ERBB4: variants seen among roughly 807,000 people sequenced by gnomAD.
The protein encoded by ERBB4 is erb-b2 receptor tyrosine kinase 4.
In ERBB4, 42 loss-of-function variants were observed where a neutral mutation model predicts 158.0. The observed-to-expected ratio is 0.27, with a 90% CI of 0.21 to 0.34. The LOEUF is 0.34. Among genes scored for constraint, ERBB4 ranks in the 10% least tolerant of loss-of-function variants. The pLI, the probability that ERBB4 is intolerant of heterozygous loss-of-function variation, is 1.00. For synonymous variants in ERBB4, 583 were observed against 558.7 expected (o/e 1.04, Z -0.61); for missense variants, 1,333 against 1,624.1 (o/e 0.82, Z 3.08).
chr2:211,975,904 T>C (rs998436905), intron 2 of ERBB4, among the ~76,000 whole-genome samples: 5 of 152,178 alleles, frequency 3.3e-5, no homozygotes, highest in African/African-American at 1.2e-4. Context: ...AATTATTCTT[T>C]ACTAATATTA....
intron 14 of ERBB4, among the ~76,000 whole-genome samples, chr2:211,670,771 G>A (rs1425429432): frequency 6.6e-6 from 1 of 152,092 alleles, no homozygotes; most frequent in African/African-American, 2.4e-5. Context: ...CACAGAACTA[G>A]CTCACAAAAG....
At chr2:212,106,871 CAT>C (rs540686404) in intron 2 of ERBB4, among the ~76,000 whole-genome samples, 91 of 152,358 alleles carry the variant, frequency 6.0e-4, no homozygotes, top group African/African-American at 1.9e-3. Flanking sequence ...GCCTTGGTAG[CAT>C]CCACATGGTG....
intron 3 of ERBB4, among the ~76,000 whole-genome samples, chr2:211,917,613 A>G (rs982727139): frequency 6.6e-6 from 1 of 152,202 alleles, no homozygotes; most frequent in African/African-American, 2.4e-5. Flanking sequence ...CCTCTTAACT[A>G]TAACTCTATT....
chr2:211,748,883 C>T (rs373462135), intron 5 of ERBB4, among the ~76,000 whole-genome samples: 2 of 152,158 alleles, frequency 1.3e-5, no homozygotes, highest in Non-Finnish European at 2.9e-5. Flanking sequence ...ACTTGACTTC[C>T]TGCAAATGGT....
chr2:212,272,249 T>C (rs951516080), intron 1 of ERBB4, among the ~76,000 whole-genome samples: 4 of 151,922 alleles, frequency 2.6e-5, no homozygotes, highest in African/African-American at 4.8e-5. Context: ...TAGCTAAATA[T>C]ATGGATCATT....
intron 16 of ERBB4, among the ~76,000 whole-genome samples, chr2:211,637,750 C>G (rs1474652340): frequency 6.6e-6 from 1 of 151,746 alleles, no homozygotes; most frequent in Non-Finnish European, 1.5e-5. Flanking sequence ...ATATTAAATA[C>G]AAGAAAATAG....
intron 5 of ERBB4, among the ~76,000 whole-genome samples, chr2:211,746,827 C>CAA (rs11332306): frequency 0.047 from 4,898 of 105,196 alleles, 246 homozygotes; most frequent in African/African-American, 0.12. Flanking sequence ...GAGACTGTCT[C>CAA]AAAAAAAAAA....
At chr2:212,227,673 G>A (rs1306792083) in intron 1 of ERBB4, among the ~76,000 whole-genome samples, 2 of 152,118 alleles carry the variant, frequency 1.3e-5, no homozygotes, top group Non-Finnish European at 2.9e-5. Flanking sequence ...TACATTATAA[G>A]TAATCAAGTC....
intron 20 of ERBB4, among the ~76,000 whole-genome samples, chr2:211,504,799 A>AT (rs1453153089): frequency 1.3e-5 from 2 of 152,190 alleles, no homozygotes; most frequent in African/African-American, 2.4e-5. Context: ...CACTGAAAGG[A>AT]TTTTAAAACA....
intron 3 of ERBB4, among the ~76,000 whole-genome samples, chr2:211,793,958 G>T (rs1437915101): frequency 6.6e-6 from 1 of 151,772 alleles, no homozygotes; most frequent in Non-Finnish European, 1.5e-5. Flanking sequence ...ATTGGGAGCG[G>T]GTAGAGGGTG....
intron 1 of ERBB4, among the ~76,000 whole-genome samples, chr2:212,398,293 G>A (rs1473973112): frequency 6.6e-6 from 1 of 151,832 alleles, no homozygotes; most frequent in Non-Finnish European, 1.5e-5. Flanking sequence ...CTTTTCTCTG[G>A]AGCACATATA....
chr2:212,252,707 T>C (rs1481944979), intron 1 of ERBB4, among the ~76,000 whole-genome samples: 2 of 152,018 alleles, frequency 1.3e-5, no homozygotes, highest in East Asian at 1.9e-4. Context: ...CTGATGATCA[T>C]AGAGGAAAGA....
At chr2:212,036,375 C>T (rs73988951) in intron 2 of ERBB4, among the ~76,000 whole-genome samples, 14,009 of 151,874 alleles carry the variant, frequency 0.092, 1,304 homozygotes, top group African/African-American at 0.24. Flanking sequence ...TTTTTTAACC[C>T]TTCTTTATCT....
At chr2:212,320,088 G>T (rs1017749069) in intron 1 of ERBB4, among the ~76,000 whole-genome samples, 2 of 149,854 alleles carry the variant, frequency 1.3e-5, no homozygotes, top group Non-Finnish European at 3.0e-5. Flanking sequence ...TAAAAGTGAT[G>T]GCATTGTACT....
At chr2:211,427,376 T>C (rs993782193) in intron 22 of ERBB4, among the ~76,000 whole-genome samples, 16 of 152,158 alleles carry the variant, frequency 1.1e-4, no homozygotes, top group African/African-American at 3.9e-4. Context: ...ATGATATATT[T>C]AAACTTAGAA....
chr2:212,028,646 C>T (rs1185237913), intron 2 of ERBB4, among the ~76,000 whole-genome samples: 1 of 152,062 alleles, frequency 6.6e-6, no homozygotes, highest in East Asian at 1.9e-4. Context: ...TTAATCAAAA[C>T]TGTGAAATAG....
intron 3 of ERBB4, among the ~76,000 whole-genome samples, chr2:211,819,504 A>T (rs753074776): frequency 6.6e-5 from 10 of 152,052 alleles, no homozygotes; most frequent in Non-Finnish European, 1.3e-4. Flanking sequence ...GAATTTGCAG[A>T]AAATAGAAAT....
At chr2:212,268,038 T>G (rs557762529) in intron 1 of ERBB4, among the ~76,000 whole-genome samples, 103 of 151,974 alleles carry the variant, frequency 6.8e-4, no homozygotes, top group Non-Finnish European at 1.2e-3. Context: ...AGAGAAGACT[T>G]AAACATCACC....
At position 212,099,741 on chromosome 2, in the gene ERBB4, T is replaced by C. The variant is rs1456159728; in HGVS notation, c.234+25011A>G. On this transcript the variant is annotated intron_variant, in intron 2 of 27. Transcript: ENST00000342788. The stretch of plus-strand genomic sequence containing the variant: ...CTATATAGCTTTGTTTTACAGTTTT[T>C]TTTTTTTTCTTTTCAGGATGACATT... Among the ~76,000 whole-genome samples, 3 of 151,692 alleles carry C rather than the reference T, an allele frequency of 2.0e-5. No individual in the cohort carries two copies. In the East Asian group the frequency reaches 5.8e-4, roughly 29 times the overall value.
Sources: allele counts gnomAD v4.1 joint callset (sites outside exome capture counted in the v4.1 genomes callset), GRCh38; gene constraint gnomAD v4.1.1; transcripts MANE v1.5; gene names NCBI Gene and HGNC (gene_info 2026-07-23, HGNC 2026-07-21).